The following EIF4G3 variants were observed in gnomAD, a reference collection of about 807,000 sequenced individuals.
EIF4G3 encodes eukaryotic translation initiation factor 4 gamma 3, also known as eIF-4-gamma 3.
A neutral mutation model predicts 186.4 loss-of-function variants in EIF4G3; 34 were observed. That is an observed-to-expected ratio of 0.18 (90% CI 0.14 to 0.24). The LOEUF (loss-of-function observed/expected upper bound fraction) is 0.24. EIF4G3 is among the 10% of genes least tolerant of loss of function. The pLI is 1.00. For missense variants in EIF4G3, 1,536 were observed against 1,948.5 expected (o/e 0.79, Z 3.99); for synonymous variants, 673 against 679.5 (o/e 0.99, Z 0.15).
At chr1:21,118,636 A>G (rs1188817913) in intron 2 of EIF4G3, among the ~76,000 whole-genome samples, 4 of 151,994 alleles carry the variant, frequency 2.6e-5, no homozygotes, top group Non-Finnish European at 5.9e-5. Flanking sequence ...AAATACAAAA[A>G]TCAGCTGGGT....
chr1:21,018,639 A>G (rs375135461), intron 4 of EIF4G3, among the ~76,000 whole-genome samples: 18 of 152,208 alleles, frequency 1.2e-4, no homozygotes, highest in African/African-American at 3.9e-4. Flanking sequence ...GTGACCCCCA[A>G]TGTTGGAGCT....
chr1:21,147,337 TTTTG>T (rs930816431), intron 2 of EIF4G3, among the ~76,000 whole-genome samples: 7 of 152,090 alleles, frequency 4.6e-5, no homozygotes, highest in African/African-American at 7.2e-5. Flanking sequence ...TTTGTTTGTT[TTTTG>T]TTTGTTTTTT....
intron 12 of EIF4G3, among the ~76,000 whole-genome samples, chr1:20,961,686 C>T (rs549556878): frequency 8.5e-5 from 13 of 152,168 alleles, no homozygotes; most frequent in South Asian, 2.1e-4. Context: ...CTCATCATGA[C>T]GAACAGAGAA....
At chr1:20,898,691 T>C (rs368062921) in intron 16 of EIF4G3, among the ~76,000 whole-genome samples, 5 of 152,194 alleles carry the variant, frequency 3.3e-5, no homozygotes, top group Non-Finnish European at 5.9e-5. Flanking sequence ...TTAGTCTAGA[T>C]TTGGCAGACT....
In EIF4G3 at chr1:21,041,473, T is replaced by G. The variant is rs187095527; in HGVS notation, c.-67+9393A>C. ...TCCATTTGAAATAGTTTAGTGTAAT[T>G]TATTTCTTACTAAGACTATGACAAC... On this transcript the variant is annotated intron_variant, in intron 4 of 36. Coordinates refer to ENST00000602326, the MANE Select transcript of EIF4G3 (RefSeq NM_001391906.1). 3.0e-4 allele frequency among the ~76,000 whole-genome samples: 46 copies of G among 152,290 alleles called. 1 individual carries two copies. The Middle Eastern group carries it at 0.01, about 34-fold the overall frequency.
intron 3 of EIF4G3, chr1:21,064,961 A>G (rs2095155800): frequency 6.6e-6 from 1 of 152,098 alleles, no homozygotes; most frequent in South Asian, 2.1e-4. Flanking sequence ...GTTGTATGCG[A>G]GTCTGGAGAT....
chr1:21,152,329 C>A, intron 2 of EIF4G3, among the ~76,000 whole-genome samples: 1 of 33,970 alleles, frequency 2.9e-5, no homozygotes, highest in African/African-American at 7.1e-5. Context: ...AGAGCGAGAC[C>A]CTGTCTCTAC....
intron 7 of EIF4G3, among the ~76,000 whole-genome samples, chr1:20,986,075 C>G (rs1453077473): frequency 6.6e-6 from 1 of 152,208 alleles, no homozygotes. Flanking sequence ...CAATCATAAC[C>G]CTCTCCCTAG....
At chr1:21,041,314 T>C (rs1056383849) in intron 4 of EIF4G3, among the ~76,000 whole-genome samples, 7 of 152,150 alleles carry the variant, frequency 4.6e-5, no homozygotes, top group African/African-American at 1.4e-4. Flanking sequence ...TCTCGAACTC[T>C]TGGGCTCAAG....
At chr1:20,881,657 C>G (rs928482408) in intron 19 of EIF4G3, among the ~76,000 whole-genome samples, 1 of 151,532 alleles carries the variant, frequency 6.6e-6, no homozygotes, top group Non-Finnish European at 1.5e-5. Context: ...CACGGTGGCA[C>G]GCACCTGTAG....
intron 2 of EIF4G3, among the ~76,000 whole-genome samples, chr1:21,149,092 TA>T (rs34512908): frequency 3.3e-3 from 454 of 136,988 alleles, no homozygotes; most frequent in African/African-American, 5.5e-3. Context: ...ACTCTATCTC[TA>T]AAAAAAAAAA....
chr1:20,998,717 A>T (rs1293492118), intron 6 of EIF4G3: 1 of 229,000 alleles, frequency 4.4e-6, no homozygotes, highest in East Asian at 1.1e-4. Flanking sequence ...CTATTGTAAT[A>T]TTAACCGGGG....
At chr1:20,827,233 AG>A (rs2154547313) in intron 32 of EIF4G3, among the ~76,000 whole-genome samples, 1 of 152,344 alleles carries the variant, frequency 6.6e-6, no homozygotes, top group Non-Finnish European at 1.5e-5. Context: ...TTATTGGTTT[AG>A]ATTTATCTGT....
intron 2 of EIF4G3, among the ~76,000 whole-genome samples, chr1:21,173,841 T>C (rs1017699476): frequency 4.6e-5 from 7 of 152,236 alleles, no homozygotes; most frequent in Admixed American, 1.3e-4. Context: ...TATCCACTTA[T>C]TGAACAATGA....
chr1:20,989,074 AGG>A (rs1239415216), intron 7 of EIF4G3, among the ~76,000 whole-genome samples: 6 of 43,248 alleles, frequency 1.4e-4, no homozygotes, highest in African/African-American at 3.2e-4. Context: ...AGGGGAGGGG[AGG>A]GGAGGGGAGA....
chr1:21,066,478 T>C (rs989132654), intron 3 of EIF4G3, among the ~76,000 whole-genome samples: 10 of 152,058 alleles, frequency 6.6e-5, no homozygotes, highest in African/African-American at 2.4e-4. Flanking sequence ...CTGTAACAGC[T>C]AAAGAAACTA....
intron 1 of EIF4G3, 42 bp downstream of exon 1, chr1:21,176,680 G>C (rs1440339349): frequency 1.7e-6 from 1 of 593,128 alleles, no homozygotes; most frequent in East Asian, 3.4e-5. Context: ...ACCCCAGGGG[G>C]GGGGCCGGAC....
At chr1:21,006,350 A>G (rs2085078259) in intron 4 of EIF4G3, among the ~76,000 whole-genome samples, 1 of 152,222 alleles carries the variant, frequency 6.6e-6, no homozygotes, top group Admixed American at 6.5e-5. Context: ...TCAATGAAGG[A>G]TCATTTCAAT....
At chr1:20,943,395 C>A (rs934674833) in intron 13 of EIF4G3, among the ~76,000 whole-genome samples, 2 of 152,034 alleles carry the variant, frequency 1.3e-5, no homozygotes, top group African/African-American at 4.8e-5. Context: ...CATCATAATG[C>A]GGGTACCAGA....
Sources: allele counts gnomAD v4.1 joint callset (sites outside exome capture counted in the v4.1 genomes callset), GRCh38; gene constraint gnomAD v4.1.1; transcripts MANE v1.5; gene names NCBI Gene and HGNC (gene_info 2026-07-23, HGNC 2026-07-21).